The following FMO2 variants were observed in gnomAD, a reference collection of about 807,000 sequenced individuals.
FMO2 encodes flavin containing dimethylaniline monoxygenase 2.
Under a neutral mutation model 41.6 loss-of-function variants are expected in FMO2, and 33 were observed. The ratio of observed to expected loss-of-function variants is 0.79; its 90% CI spans 0.60 to 1.06. FMO2 has a LOEUF of 1.06. FMO2 is among the 50% of genes least tolerant of loss of function. FMO2 has a pLI of 0.00. For missense variants in FMO2, 619 were observed against 632.9 expected, an observed-to-expected ratio of 0.98 and a Z score of 0.23; for synonymous variants, 214 against 219.6, an observed-to-expected ratio of 0.97 and a Z score of 0.23.
intron 3 of FMO2, among the ~76,000 whole-genome samples, chr1:171,195,937 G>C (rs1392174004): frequency 6.6e-6 from 1 of 152,216 alleles, no homozygotes; most frequent in Non-Finnish European, 1.5e-5. Flanking sequence ...CAGGCACTCT[G>C]CAAAGTGTTT....
chr1:171,193,698 T>C (rs1183908748), intron 3 of FMO2, among the ~76,000 whole-genome samples, 175 bp downstream of exon 3: 1 of 152,106 alleles, frequency 6.6e-6, no homozygotes. Flanking sequence ...CTTGGTATTA[T>C]AGATTATATA....
chr1:171,200,549 A>G (rs951385847), intron 5 of FMO2, among the ~76,000 whole-genome samples: 8 of 152,074 alleles, frequency 5.3e-5, no homozygotes, highest in African/African-American at 1.9e-4. Context: ...CACTTTCAGG[A>G]CTCTAGATAC....
chr1:171,191,900 T>C (rs1358294417), intron 2 of FMO2, among the ~76,000 whole-genome samples: 1 of 138,390 alleles, frequency 7.2e-6, no homozygotes, highest in East Asian at 2.1e-4. Flanking sequence ...TTAGCCGGTG[T>C]AGTGGCACGC....
intron 6 of FMO2, among the ~76,000 whole-genome samples, chr1:171,204,600 A>C (rs980588185): frequency 6.6e-6 from 1 of 152,188 alleles, no homozygotes; most frequent in African/African-American, 2.4e-5. Flanking sequence ...CCTTAAAAAA[A>C]CAGAAGAGCT....
chr1:171,208,153 G>T (rs1421981068), intron 8 of FMO2, among the ~76,000 whole-genome samples: 1 of 152,152 alleles, frequency 6.6e-6, no homozygotes, highest in Non-Finnish European at 1.5e-5. Flanking sequence ...CAGTGGTGGT[G>T]ATAGTAGCTT....
At chr1:171,185,912 A>G in intron 2 of FMO2, 67 bp downstream of exon 2, 1 of 1,469,432 alleles carries the variant, frequency 6.8e-7, no homozygotes, top group Non-Finnish European at 9.5e-7. Flanking sequence ...ACAGTTACTG[A>G]TGGGTCATAT....
intron 2 of FMO2, among the ~76,000 whole-genome samples, chr1:171,186,705 G>C (rs137889731): frequency 2.6e-5 from 4 of 151,992 alleles, no homozygotes; most frequent in Non-Finnish European, 5.9e-5. Flanking sequence ...ATTTGGATGG[G>C]GACACAAAGC....
At chr1:171,187,621 T>C (rs1657903839) in intron 2 of FMO2, among the ~76,000 whole-genome samples, 2 of 101,530 alleles carry the variant, frequency 2.0e-5, no homozygotes, top group African/African-American at 4.5e-5. Context: ...TGGTTAAACC[T>C]GCCACCAAAA....
chr1:171,192,299 A>T (rs1658115042), intron 2 of FMO2, among the ~76,000 whole-genome samples: 1 of 152,164 alleles, frequency 6.6e-6, no homozygotes, highest in Non-Finnish European at 1.5e-5. Flanking sequence ...ATGAGACAGA[A>T]ACCCCCTTGT....
chr1:171,199,271 C>T, intron 4 of FMO2, 75 bp from the exon 5 acceptor site: 1 of 1,341,042 alleles, frequency 7.5e-7, no homozygotes. Context: ...GAAAAGCTGG[C>T]AATGCAGTTT....
At chr1:171,203,147 G>A (rs868099526) in intron 5 of FMO2, among the ~76,000 whole-genome samples, 59 of 151,934 alleles carry the variant, frequency 3.9e-4, no homozygotes, top group African/African-American at 1.4e-3. Flanking sequence ...ATTTGAGACC[G>A]ACCTGGGCAA....
rs1167715379 is a variant in FMO2 at position 171,205,397 on chromosome 1, G to A, written c.946G>A (p.Gly316Arg). The A allele has an allele frequency of 6.8e-6, 11 of 1,613,696 alleles. No homozygotes were observed. Among genetic ancestry groups the A allele is most frequent in the South Asian group, 3.3e-5 (3 of 91,086 alleles). Residue 316 changes from glycine to arginine, a missense_variant, in exon 7 of 9, where the codon GGA becomes AGA. Transcript: ENST00000209929. ...LTETSAIFED[G>R]TVEENIDVII... is the part of the protein sequence containing the mutation. ...AGAAACTTCTGCCATCTTTGAGGAT[G>A]GAACAGTGGAGGAGAACATTGATGT...
chr1:171,186,990 C>CATA (rs1212636706), intron 2 of FMO2, among the ~76,000 whole-genome samples: 2 of 152,310 alleles, frequency 1.3e-5, no homozygotes. Flanking sequence ...GTTCCGGACT[C>CATA]ATAGAGTTCA....
At chr1:171,202,534 T>C (rs1262009572) in intron 5 of FMO2, among the ~76,000 whole-genome samples, 1 of 152,200 alleles carries the variant, frequency 6.6e-6, no homozygotes, top group Non-Finnish European at 1.5e-5. Context: ...CAGCTAGCAG[T>C]ACTTATCACT....
At chr1:171,190,703 T>C (rs1485565623) in intron 2 of FMO2, among the ~76,000 whole-genome samples, 1 of 151,418 alleles carries the variant, frequency 6.6e-6, no homozygotes, top group Non-Finnish European at 1.5e-5. Flanking sequence ...ATTAATCATC[T>C]CTTCATAACT....
intron 5 of FMO2, among the ~76,000 whole-genome samples, chr1:171,201,911 C>T (rs182434932): frequency 1.3e-5 from 2 of 152,248 alleles, no homozygotes; most frequent in Non-Finnish European, 2.9e-5. Flanking sequence ...AAACCTCCCC[C>T]ATGACTGAAT....
At chr1:171,195,590 G>A (rs1398123999) in intron 3 of FMO2, among the ~76,000 whole-genome samples, 1 of 152,092 alleles carries the variant, frequency 6.6e-6, no homozygotes, top group African/African-American at 2.4e-5. Context: ...TTTAAATTGA[G>A]ACAGCTTAAA....
rs962156531 is a variant in FMO2 at position 171,203,920 on chromosome 1, G to A, written c.683G>A (p.Gly228Asp). Residue 228 changes from glycine (G) to aspartate (D), a missense_variant, in exon 6 of 9, where the codon GGC becomes GAC. Coordinates refer to ENST00000209929, the MANE Select transcript of FMO2 (RefSeq NM_001460.5). ...TWVMSRISED[G>D]YPWDSVFHTR... ...GTCATGAGCCGTATCTCTGAAGATG[G>A]CTATCCTTGGGACTCAGTGTTCCAC... 6.2e-7 allele frequency: 1 copy of A among 1,613,522 alleles called. No individual in the cohort carries two copies. Among genetic ancestry groups the A allele is most frequent in the Non-Finnish European group, 8.5e-7 (1 of 1,179,740 alleles).
intron 2 of FMO2, among the ~76,000 whole-genome samples, chr1:171,192,787 A>C (rs965328060): frequency 7.1e-6 from 1 of 141,742 alleles, no homozygotes; most frequent in Non-Finnish European, 1.5e-5. Context: ...AAAAAAAAAA[A>C]GATTTGATTC....
Sources: gnomAD v4.1 joint callset for allele counts (sites outside exome capture counted in the v4.1 genomes callset) on GRCh38, gnomAD v4.1.1 for gene constraint, MANE v1.5 for transcripts, NCBI Gene and HGNC (gene_info 2026-07-23, HGNC 2026-07-21) for gene names.